Variants in ZC3HAV1L observed in about 807,000 individuals in gnomAD.
ZC3HAV1L encodes ZC3HAV1 like.
ZC3HAV1L carries 23 observed loss-of-function variants against 28.2 expected under a neutral mutation model. That is an observed-to-expected ratio of 0.82 (90% CI 0.59 to 1.16). ZC3HAV1L has a LOEUF of 1.16. Ranked by LOEUF, ZC3HAV1L falls within the 50% of genes most tolerant of loss-of-function variation. The probability of loss-of-function intolerance (pLI) is 0.00; values close to 1 mark genes in which losing one functional copy is unlikely to be tolerated. For synonymous variants in ZC3HAV1L, 180 were observed against 163.4 expected, an observed-to-expected ratio of 1.10 and a Z score of -0.78; for missense variants, 376 against 387.7, an observed-to-expected ratio of 0.97 and a Z score of 0.25.
chr7:139,030,843 T>A (rs1469155873), intron 2 of ZC3HAV1L, among the ~76,000 whole-genome samples: 3 of 148,972 alleles, frequency 2.0e-5, no homozygotes, highest in African/African-American at 7.5e-5. Flanking sequence ...ATTAATTAAT[T>A]AATTAATTAA....
At chr7:139,035,021 C>T (rs1221640576) in intron 1 of ZC3HAV1L, 1 of 985,322 alleles carries the variant, frequency 1.0e-6, no homozygotes, top group Non-Finnish European at 1.2e-6. Context: ...GCGCCCCTAT[C>T]CCCAGCACCG....
downstream of ZC3HAV1L, among the ~76,000 whole-genome samples, chr7:139,023,291 A>G: frequency 6.6e-6 from 1 of 152,074 alleles, no homozygotes; most frequent in South Asian, 2.1e-4. Flanking sequence ...GTTGGTCTGC[A>G]TTTTAAAAAC....
downstream of ZC3HAV1L, among the ~76,000 whole-genome samples, chr7:139,023,182 G>GAAAAAAAAA (rs565321825): frequency 7.8e-3 from 806 of 102,820 alleles, 13 homozygotes; most frequent in African/African-American, 0.016. Context: ...AAGGAAAAAA[G>GAAAAAAAAA]AAAAAAAAAA....
chr7:139,022,561 A>T (rs1238153909), downstream of ZC3HAV1L: 4 of 196,648 alleles, frequency 2.0e-5, no homozygotes, highest in Admixed American at 2.2e-4. Flanking sequence ...ACGTCGGAGA[A>T]GGAGGAAAAA....
downstream of ZC3HAV1L, chr7:139,022,495 G>A (rs1815264455): frequency 2.9e-6 from 1 of 341,754 alleles, no homozygotes; most frequent in South Asian, 2.3e-5. Flanking sequence ...GCAGGGAGCT[G>A]TAATTGTGCC....
rs372841727 is a variant in ZC3HAV1L, at chr7:139,035,523, G to T, written c.365+130C>A. 6.1e-6 allele frequency: 8 copies of T among 1,313,442 alleles called. No homozygotes were observed. The East Asian group carries it at 9.5e-5, about 16-fold the overall frequency. 81.4% of individuals were successfully genotyped at this position (1,313,442 alleles called of 1,614,324 possible). A position where few individuals can be genotyped will look rare whatever the true frequency, so the allele number is the denominator to read the frequency against. The stretch of plus-strand genomic sequence containing the variant: ...GGACGCCCAGGAAAGGCCTGCGGGA[G>T]GGGGTCGTCCAGCCCCGCGTCCCCG... On this transcript the variant is annotated intron_variant, in intron 1 of 4. Transcript: ENST00000275766.
Position 139,035,784 on chromosome 7 carries a change from G to A in ZC3HAV1L, c.234C>T (p.Ser78=). ...AGGACACGGCCACCACCCTCCAGGCGGAGGTGCCGCCACCGCCCACCGCGC... is the reference window on the plus strand; with the variant it reads ...AGGACACGGCCACCACCCTCCAGGCAGAGGTGCCGCCACCGCCCACCGCGC... ...AAGAVGGGGT[S]AWRVVAVSSV... Residue 78 remains serine (S), a synonymous_variant, in exon 1 of 5, where the codon TCC becomes TCT. Transcript: ENST00000275766. The A allele has an allele frequency of 1.3e-6, 2 of 1,493,438 alleles. No individual in the cohort carries two copies. Among genetic ancestry groups the A allele is most frequent in the Non-Finnish European group, 1.8e-6 (2 of 1,130,040 alleles). 92.5% of individuals were successfully genotyped at this position (1,493,438 alleles called of 1,614,324 possible).
chr7:139,035,811 GGCC>G lies in ZC3HAV1L; in HGVS notation c.204_206del (p.Ala69del), dbSNP rs1815694945. ...AGGTGCCGCCACCGCCCACCGCGCC[GGCC>G]GCCGCCTCGGCCTCCGCGTCCCCGA... On this transcript the variant is annotated inframe_deletion, in exon 1 of 5. Transcript: ENST00000275766. 6.7e-7 allele frequency: 1 copy of G among 1,484,890 alleles called. No individual in the cohort carries two copies. The highest frequency in any genetic ancestry group is 8.9e-7 in the Non-Finnish European group (1 of 1,126,568). 92.0% of individuals were successfully genotyped at this position (1,484,890 alleles called of 1,614,324 possible). A position where few individuals can be genotyped will look rare whatever the true frequency, so the allele number is the denominator to read the frequency against.
chr7:139,026,101 CT>C lies in ZC3HAV1L; in HGVS notation c.*442del, dbSNP rs1310855396. The C allele has an allele frequency of 6.2e-6, 1 of 161,410 alleles. No individual in the cohort carries two copies. Among genetic ancestry groups the C allele is most frequent in the East Asian group, 1.9e-4 (1 of 5,338 alleles). 10.0% of individuals were successfully genotyped at this position (161,410 alleles called of 1,614,324 possible). On this transcript the variant is annotated 3_prime_UTR_variant, in exon 5 of 5. Transcript: ENST00000275766. The stretch of plus-strand genomic sequence containing the variant: ...AGTGAGCCGAGATCACGTCACTGCA[CT>C]CCAGCCTGGGCAACAGAGCAAGACC...
intron 1 of ZC3HAV1L, chr7:139,034,993 A>G (rs1584823647): frequency 1.8e-5 from 18 of 985,410 alleles, no homozygotes; most frequent in Non-Finnish European, 2.2e-5. Context: ...GCCACAGTCC[A>G]CCAACGTTAA....
chr7:139,031,257 A>T (rs1198483168), intron 2 of ZC3HAV1L, among the ~76,000 whole-genome samples: 1 of 152,100 alleles, frequency 6.6e-6, no homozygotes, highest in Non-Finnish European at 1.5e-5. Flanking sequence ...AGACCAGCCT[A>T]GGCAACACAG....
At chr7:139,030,100 G>A (rs1815479194) in intron 2 of ZC3HAV1L, among the ~76,000 whole-genome samples, 1 of 152,254 alleles carries the variant, frequency 6.6e-6, no homozygotes, top group Admixed American at 6.5e-5. Context: ...CCAGGCAAAT[G>A]GGCTGCTGAG....
intron 2 of ZC3HAV1L, among the ~76,000 whole-genome samples, chr7:139,033,261 A>C (rs1043258985): frequency 2.0e-5 from 3 of 151,008 alleles, no homozygotes; most frequent in Non-Finnish European, 4.4e-5. Context: ...TAATGCTTTG[A>C]GGTTTGTTTA....
At chr7:139,032,610 G>C (rs891652692) in intron 2 of ZC3HAV1L, among the ~76,000 whole-genome samples, 4 of 147,164 alleles carry the variant, frequency 2.7e-5, no homozygotes, top group Non-Finnish European at 6.0e-5. Context: ...GTGATAGAGT[G>C]AGACTCCATC....
chr7:139,035,240 G>A, intron 1 of ZC3HAV1L: 1 of 985,434 alleles, frequency 1.0e-6, no homozygotes, highest in Non-Finnish European at 1.2e-6. Context: ...CAAGTGTGTG[G>A]ATATGGGGGA....
Position 139,026,692 on chromosome 7 carries a change from C to T in ZC3HAV1L, c.886+16G>A, listed in dbSNP as rs1336768373. On this transcript the variant is annotated intron_variant, in intron 4 of 4. Coordinates refer to ENST00000275766, the MANE Select transcript of ZC3HAV1L (RefSeq NM_080660.4). ...ACAAGCTTCTTCTTAGTTCACTGAC[C>T]CCCTTTAAGGTTTACCTGGGCAGGG... 4 of 1,613,248 alleles carry T rather than the reference C, an allele frequency of 2.5e-6. No individual in the cohort carries two copies. The highest frequency in any genetic ancestry group is 3.4e-6 in the Non-Finnish European group (4 of 1,179,590).
Position 139,028,796 on chromosome 7 carries a change from T to C in ZC3HAV1L, c.666A>G (p.Leu222=), listed in dbSNP as rs888860767. The change falls in exon 3 of 5, where the codon CTA becomes CTG. Residue 222 remains leucine, a synonymous_variant. Coordinates refer to ENST00000275766, the MANE Select transcript of ZC3HAV1L (RefSeq NM_080660.4). The part of the protein sequence containing the change: ...QLIHAASLKL[L]QDQGLNIPSV... ...TTGGAATATTCAGTCCTTGGTCCTG[T>C]AGCAGCTTCAAAGATGCAGCATGGA... The C allele has an allele frequency of 1.9e-6, 3 of 1,614,108 alleles. No individual in the cohort carries two copies. Among genetic ancestry groups the C allele is most frequent in the African/African-American group, 1.3e-5 (1 of 74,938 alleles).
chr7:139,024,839 A>C (rs1815313058), downstream of ZC3HAV1L, among the ~76,000 whole-genome samples: 1 of 152,250 alleles, frequency 6.6e-6, no homozygotes, highest in South Asian at 2.1e-4. Flanking sequence ...AAACAACAAC[A>C]ACACTTTACA....
Position 139,034,583 on chromosome 7 carries a change from C to T in ZC3HAV1L, c.461G>A (p.Arg154Gln). The change falls in exon 2 of 5, where the codon CGG (arginine) becomes CAG (glutamine). Residue 154 changes from arginine to glutamine, a missense_variant. Arg to Gln is a conservative substitution (Grantham distance 43). Transcript: ENST00000275766. ...GGGGTCATTCTGCAAAAGCAGGATC[C>T]GAAGCTGGTTTTCATTGAGACCAAA... ...GLFGLNENQL[R>Q]ILLLQNDPCL... The T allele has an allele frequency of 1.9e-6, 3 of 1,614,052 alleles. No individual in the cohort carries two copies. Among genetic ancestry groups the T allele is most frequent in the South Asian group, 1.1e-5 (1 of 91,072 alleles).
Sources: allele counts gnomAD v4.1 joint callset (sites outside exome capture counted in the v4.1 genomes callset), GRCh38; gene constraint gnomAD v4.1.1; transcripts MANE v1.5; gene names NCBI Gene and HGNC (gene_info 2026-07-23, HGNC 2026-07-21).